The following COG5 variants were observed in gnomAD, a reference collection of about 807,000 sequenced individuals.
COG5 encodes conserved oligomeric Golgi complex subunit 5.
A neutral mutation model predicts 110.4 loss-of-function variants in COG5; 86 were observed. The observed-to-expected ratio is 0.78, with a 90% CI of 0.65 to 0.93. The LOEUF (loss-of-function observed/expected upper bound fraction) is 0.93, where lower values mean the gene tolerates loss of function less well. Among genes scored for constraint, COG5 ranks in the 40% least tolerant of loss-of-function variants. The pLI, the probability that COG5 is intolerant of heterozygous loss-of-function variation, is 0.00. For missense variants in COG5, 1,077 were observed against 987.0 expected (o/e 1.09, Z -1.22); for synonymous variants, 360 against 334.6 (o/e 1.08, Z -0.83).
intron 14 of COG5, among the ~76,000 whole-genome samples, chr7:107,277,435 TA>T (rs534458607): frequency 6.6e-6 from 1 of 151,742 alleles, no homozygotes; most frequent in African/African-American, 2.4e-5. Context: ...GCTAAAAGCC[TA>T]AAAAAAACAA....
intron 11 of COG5, among the ~76,000 whole-genome samples, chr7:107,305,114 T>A (rs1282963021): frequency 3.3e-5 from 5 of 152,200 alleles, no homozygotes; most frequent in African/African-American, 1.2e-4. Context: ...CCTCTCTGAA[T>A]GAAGCAAGGA....
chr7:107,468,728 AAAT>A (rs1796451274), intron 6 of COG5, among the ~76,000 whole-genome samples: 1 of 152,172 alleles, frequency 6.6e-6, no homozygotes, highest in Non-Finnish European at 1.5e-5. Flanking sequence ...ACGGCTTTTC[AAAT>A]AATAAGAGAA....
At chr7:107,236,099 G>T (rs962062599) in intron 18 of COG5, among the ~76,000 whole-genome samples, 2 of 152,136 alleles carry the variant, frequency 1.3e-5, no homozygotes, top group Non-Finnish European at 2.9e-5. Context: ...TGATTTCATT[G>T]CCTACATTAT....
chr7:107,437,990 A>G (rs74451547), intron 6 of COG5, among the ~76,000 whole-genome samples: 1 of 152,046 alleles, frequency 6.6e-6, no homozygotes, highest in African/African-American at 2.4e-5. Context: ...GACTTATGGG[A>G]AAGTTTTACT....
At chr7:107,355,141 T>C (rs1812511041) in intron 10 of COG5, among the ~76,000 whole-genome samples, 2 of 152,148 alleles carry the variant, frequency 1.3e-5, no homozygotes, top group Non-Finnish European at 2.9e-5. Context: ...CTTAGAACAT[T>C]AACTAATGAA....
At chr7:107,444,009 G>A (rs1009619211) in intron 6 of COG5, among the ~76,000 whole-genome samples, 9 of 152,078 alleles carry the variant, frequency 5.9e-5, no homozygotes, top group Admixed American at 2.0e-4. Flanking sequence ...TGAATTAGAC[G>A]CCTACCTCAA....
intron 11 of COG5, among the ~76,000 whole-genome samples, chr7:107,309,965 AT>A (rs1246133463): frequency 6.6e-6 from 1 of 152,310 alleles, no homozygotes; most frequent in Admixed American, 6.5e-5. Flanking sequence ...TTTTTTAAAA[AT>A]ATAAGGAAAA....
Position 107,433,730 on chromosome 7 carries a change from G to C in COG5, c.539-21098C>G, listed in dbSNP as rs560122273. 6.6e-5 allele frequency among the ~76,000 whole-genome samples: 10 copies of C among 152,154 alleles called. No homozygotes were observed. In the South Asian group the frequency reaches 2.1e-3, roughly 32 times the overall value. ...TAAAGCTATAAAACTCTTAGAAGAAGCATAAAGGAAAAATTTCATGGCATT... is the reference window on the plus strand; with the variant it reads ...TAAAGCTATAAAACTCTTAGAAGAACCATAAAGGAAAAATTTCATGGCATT... On this transcript the variant is annotated intron_variant, in intron 6 of 21. Transcript: ENST00000297135.
At chr7:107,246,814 T>C (rs1254238332) in intron 17 of COG5, among the ~76,000 whole-genome samples, 4 of 152,200 alleles carry the variant, frequency 2.6e-5, no homozygotes, top group Admixed American at 6.5e-5. Flanking sequence ...AGTATGGTGA[T>C]TCCTCAAAGG....
Position 107,392,104 on chromosome 7 carries a change from C to A in COG5, c.670-19344G>T, listed in dbSNP as rs114298560. Among the ~76,000 whole-genome samples, 809 of 152,144 alleles carry A rather than the reference C, an allele frequency of 5.3e-3. 9 individuals are homozygous for A. The highest frequency in any genetic ancestry group is 0.019 in the African/African-American group (787 of 41,524). On this transcript the variant is annotated intron_variant, in intron 7 of 21. Transcript: ENST00000297135. ...AGACTCAGTCCCCGCCCCTAAAAAA[C>A]CATTATTTTCCTCAGCAATACCACG... is the stretch of plus-strand genomic sequence containing the variant.
chr7:107,546,396 T>C (rs1224558760), intron 5 of COG5, among the ~76,000 whole-genome samples: 4 of 147,354 alleles, frequency 2.7e-5, no homozygotes, highest in Admixed American at 6.8e-5. Context: ...AGGAAAACAA[T>C]AAAGATTAAT....
chr7:107,450,702 C>T (rs1296187705), intron 6 of COG5, among the ~76,000 whole-genome samples: 6 of 152,162 alleles, frequency 3.9e-5, no homozygotes, highest in Admixed American at 2.0e-4. Flanking sequence ...TTGTCCTTAT[C>T]TATTAAAGCT....
intron 12 of COG5, among the ~76,000 whole-genome samples, chr7:107,294,927 A>G (rs1327151255): frequency 1.2e-3 from 131 of 111,686 alleles, no homozygotes; most frequent in African/African-American, 3.5e-3. Context: ...GTGTGTGTAT[A>G]TATACACACA....
intron 17 of COG5, among the ~76,000 whole-genome samples, chr7:107,240,035 C>G (rs1375406597): frequency 1.3e-5 from 2 of 152,148 alleles, no homozygotes; most frequent in Non-Finnish European, 2.9e-5. Flanking sequence ...CTTCCCTTCC[C>G]TACTCAAAAC....
chr7:107,563,655 C>T (rs1804186238), intron 1 of COG5, 148 bp downstream of exon 1: 3 of 865,372 alleles, frequency 3.5e-6, no homozygotes, highest in Non-Finnish European at 5.8e-6. Flanking sequence ...TAGAACAGTA[C>T]CCAAGCCAGG....
At chr7:107,252,920 C>T (rs1370098433) in intron 16 of COG5, 1 of 152,050 alleles carries the variant, frequency 6.6e-6, no homozygotes, top group East Asian at 1.9e-4. Flanking sequence ...CTGACAAAGG[C>T]CTTCTATCAA....
At chr7:107,354,622 G>C (rs1812468902) in intron 10 of COG5, among the ~76,000 whole-genome samples, 1 of 152,200 alleles carries the variant, frequency 6.6e-6, no homozygotes, top group Admixed American at 6.5e-5. Context: ...GTTGCAGTGA[G>C]CCGAGACCAC....
At chr7:107,504,145 G>A (rs1798815713) in intron 6 of COG5, among the ~76,000 whole-genome samples, 1 of 152,008 alleles carries the variant, frequency 6.6e-6, no homozygotes, top group Admixed American at 6.6e-5. Context: ...GTCATATATG[G>A]CTTTTATTAA....
chr7:107,516,249 G>A lies in COG5; in HGVS notation c.538+10988C>T, dbSNP rs111468657. Among the ~76,000 whole-genome samples the A allele has an allele frequency of 3.0e-3, 464 of 152,160 alleles. 5 individuals are homozygous for A. The highest frequency in any genetic ancestry group is 0.01 in the African/African-American group (435 of 41,512). On this transcript the variant is annotated intron_variant, in intron 6 of 21. Coordinates refer to ENST00000297135, the MANE Select transcript of COG5 (RefSeq NM_006348.5). The stretch of plus-strand genomic sequence containing the variant: ...CCTAACGATGTTGAGCATGTTTACA[G>A]ATGCGTATCTGTCATCATCTTGGGT...
Sources: gnomAD v4.1 joint callset for allele counts (sites outside exome capture counted in the v4.1 genomes callset) on GRCh38, gnomAD v4.1.1 for gene constraint, MANE v1.5 for transcripts, NCBI Gene and HGNC (gene_info 2026-07-23, HGNC 2026-07-21) for gene names.